Variants in GMEB2 observed in about 807,000 individuals in gnomAD.
GMEB2 encodes glucocorticoid modulatory element binding protein 2, also known as glucocorticoid modulatory element-binding protein 2.
In GMEB2, 7 loss-of-function variants were observed where a neutral mutation model predicts 45.7. That is an observed-to-expected ratio of 0.15 (90% CI 0.09 to 0.29). The LOEUF (loss-of-function observed/expected upper bound fraction) is 0.29, where lower values mean the gene tolerates loss of function less well. GMEB2 is among the 10% of genes least tolerant of loss of function. The pLI, the probability that GMEB2 is intolerant of heterozygous loss-of-function variation, is 1.00. For missense variants in GMEB2, 582 were observed against 739.2 expected, an observed-to-expected ratio of 0.79 and a Z score of 2.47; for synonymous variants, 322 against 323.6, an observed-to-expected ratio of 1.00 and a Z score of 0.05.
intron 5 of GMEB2, among the ~76,000 whole-genome samples, chr20:63,596,392 C>A (rs1376542934): frequency 6.6e-6 from 1 of 152,256 alleles, no homozygotes; most frequent in Non-Finnish European, 1.5e-5. Flanking sequence ...CTCAACGAGC[C>A]TGCCTCGACC....
chr20:63,597,164 G>GTTTTT (rs10627120), intron 5 of GMEB2, among the ~76,000 whole-genome samples: 80 of 132,630 alleles, frequency 6.0e-4, no homozygotes, highest in African/African-American at 1.2e-3. Flanking sequence ...TTTTATTCTT[G>GTTTTT]TTTTTTTTTT....
At chr20:63,611,083 T>TAA (rs916786062) in intron 2 of GMEB2, among the ~76,000 whole-genome samples, 1 of 152,190 alleles carries the variant, frequency 6.6e-6, no homozygotes, top group African/African-American at 2.4e-5. Context: ...TCTGCTGCTT[T>TAA]AAGCCACCAA....
At chr20:63,622,882 A>G (rs2089648799) in intron 1 of GMEB2, among the ~76,000 whole-genome samples, 1 of 152,234 alleles carries the variant, frequency 6.6e-6, no homozygotes, top group African/African-American at 2.4e-5. Context: ...CCCGCAGCAA[A>G]GACCCCGCAC....
intron 5 of GMEB2, 72 bp from the exon 6 acceptor site, chr20:63,595,839 C>A: frequency 1.4e-6 from 2 of 1,411,252 alleles, no homozygotes; most frequent in South Asian, 1.2e-5. Flanking sequence ...CCCACCCTGA[C>A]CTGGGCCATC....
Position 63,606,644 on chromosome 20 carries a change from G to A in GMEB2, c.132-1804C>T, listed in dbSNP as rs377324190. 3.5e-4 allele frequency among the ~76,000 whole-genome samples: 54 copies of A among 152,208 alleles called. 1 individual carries two copies. In the South Asian group the frequency reaches 0.01, roughly 29 times the overall value. The stretch of plus-strand genomic sequence containing the variant: ...TTACAGGCATGAGCCACTGCGCCCA[G>A]CCACCACAAACAATTTTTTAAGAAA... On this transcript the variant is annotated intron_variant, in intron 2 of 9. Coordinates refer to ENST00000370077, the MANE Select transcript of GMEB2 (RefSeq NM_012384.5).
At chr20:63,591,979 A>G (rs746325804) in intron 9 of GMEB2, 43 bp downstream of exon 9, 4 of 1,562,908 alleles carry the variant, frequency 2.6e-6, no homozygotes, top group Non-Finnish European at 3.5e-6. Flanking sequence ...CCAGGTCCTC[A>G]GCCTACCGCC....
Position 63,592,788 on chromosome 20 carries a change from T to G in GMEB2, c.692-118A>C, listed in dbSNP as rs112025089. On this transcript the variant is annotated intron_variant, in intron 7 of 9. Transcript: ENST00000370077. This position sits in a 1 kb window ranked among gnomAD's most constrained non-coding sequence, Gnocchi z 8.2. ...ACACCATGCCAGAGCCGGCAGCGCC[T>G]GGCACTGTGCTGGGCTTGCACTGCC... 18 of 912,592 alleles carry G rather than the reference T, an allele frequency of 2.0e-5. No homozygotes were observed. The highest frequency in any genetic ancestry group is 1.1e-4 in the African/African-American group (7 of 61,092). The allele number at this position is 912,592 out of a possible 1,614,324, so 56.5% of individuals were successfully genotyped here.
At chr20:63,622,670 A>G (rs1014749110) in intron 1 of GMEB2, among the ~76,000 whole-genome samples, 3 of 152,158 alleles carry the variant, frequency 2.0e-5, no homozygotes, top group African/African-American at 7.2e-5. Flanking sequence ...AGGCAAGATA[A>G]AGGGGAGAAA....
intron 4 of GMEB2, among the ~76,000 whole-genome samples, chr20:63,599,934 C>G (rs1320758177): frequency 6.6e-6 from 1 of 152,222 alleles, no homozygotes; most frequent in South Asian, 2.1e-4. Flanking sequence ...TTCTCTTACG[C>G]AGCCACAGAA....
At chr20:63,603,871 T>C (rs1197745606) in intron 3 of GMEB2, among the ~76,000 whole-genome samples, 1 of 151,478 alleles carries the variant, frequency 6.6e-6, no homozygotes, top group African/African-American at 2.4e-5. Flanking sequence ...TGGCCCAACA[T>C]GGCAAAACCC....
At chr20:63,610,030 G>A (rs1036139184) in intron 2 of GMEB2, among the ~76,000 whole-genome samples, 6 of 151,970 alleles carry the variant, frequency 3.9e-5, no homozygotes, top group Non-Finnish European at 8.8e-5. Context: ...CTGCAGACAT[G>A]GTGTTCCCAC....
At chr20:63,612,519 G>A (rs1471425402) in intron 2 of GMEB2, among the ~76,000 whole-genome samples, 1 of 152,350 alleles carries the variant, frequency 6.6e-6, no homozygotes, top group South Asian at 2.1e-4. Flanking sequence ...GAATGGAAAT[G>A]TCATTCTGTG....
At position 63,603,203 on chromosome 20, in the gene GMEB2, T is replaced by C. The variant is rs906608866; in HGVS notation, c.230-111A>G. The C allele has an allele frequency of 3.1e-6, 4 of 1,276,094 alleles. No individual in the cohort carries two copies. The African/African-American group carries it at 4.4e-5, about 14-fold the overall frequency. 79.0% of individuals were successfully genotyped at this position (1,276,094 alleles called of 1,614,324 possible). ...TAGCTACCAACATGGAAACCAAAAA[T>C]TAAAATCCAGGAAGGCCTGAGATAG... On this transcript the variant is annotated intron_variant, in intron 3 of 9. Transcript: ENST00000370077.
chr20:63,616,937 A>G (rs1193926363), intron 2 of GMEB2, among the ~76,000 whole-genome samples: 34 of 151,768 alleles, frequency 2.2e-4, no homozygotes, highest in Admixed American at 2.2e-3. Context: ...ATGAGGTCAT[A>G]TAAGTTGGCC....
rs771913281 is a variant in GMEB2, at chr20:63,617,391, A to G, written c.131+1876T>C. Among the ~76,000 whole-genome samples, 77 of 152,318 alleles carry G rather than the reference A, an allele frequency of 5.1e-4. No homozygotes were observed. The Middle Eastern group carries it at 0.01, about 20-fold the overall frequency. Reference sequence around the variant, plus strand: ...AAGGTAGAAAGCGAGTCCTCCCAACAGCTGAACCTGGCAGACCCTGATCTT... The same window carrying G: ...AAGGTAGAAAGCGAGTCCTCCCAACGGCTGAACCTGGCAGACCCTGATCTT... On this transcript the variant is annotated intron_variant, in intron 2 of 9. Transcript: ENST00000370077.
chr20:63,592,760 A>G lies in GMEB2; in HGVS notation c.692-90T>C. The G allele has an allele frequency of 9.2e-7, 1 of 1,092,214 alleles. No individual in the cohort carries two copies. Among genetic ancestry groups the G allele is most frequent in the Non-Finnish European group, 1.4e-6 (1 of 715,166 alleles). The allele number at this position is 1,092,214 out of a possible 1,614,324, so 67.7% of individuals were successfully genotyped here. On this transcript the variant is annotated intron_variant, in intron 7 of 9. Transcript: ENST00000370077. The surrounding 1 kb of genome is among the most constrained non-coding windows in gnomAD (Gnocchi z 8.2). ...CCACAAGGACATCACCATAGCCACG[A>G]GGACACCATGCCAGAGCCGGCAGCG...
intron 4 of GMEB2, among the ~76,000 whole-genome samples, chr20:63,602,525 C>G (rs1322519333): frequency 6.6e-6 from 1 of 152,234 alleles, no homozygotes; most frequent in African/African-American, 2.4e-5. Flanking sequence ...AGCACTTCCT[C>G]TTTCTTAGCC....
At chr20:63,600,440 G>A (rs1387828882) in intron 4 of GMEB2, among the ~76,000 whole-genome samples, 5 of 151,720 alleles carry the variant, frequency 3.3e-5, no homozygotes, top group African/African-American at 4.8e-5. Flanking sequence ...GCAGCAGGCC[G>A]GGCGCGGTGG....
chr20:63,602,894 G>A (rs1041213751), intron 4 of GMEB2, 71 bp downstream of exon 4: 23 of 1,441,982 alleles, frequency 1.6e-5, no homozygotes, highest in Admixed American at 5.4e-5. Flanking sequence ...ACTCAGCACA[G>A]CTGCACCCCC....
Sources: gnomAD v4.1 joint callset for allele counts (sites outside exome capture counted in the v4.1 genomes callset) on GRCh38, gnomAD v4.1.1 for gene constraint, Gnocchi (gnomAD v3.1) non-coding constraint, MANE v1.5 for transcripts, NCBI Gene and HGNC (gene_info 2026-07-23, HGNC 2026-07-21) for gene names.